PRMT8: variants seen among roughly 807,000 people sequenced by gnomAD.
PRMT8 encodes protein arginine methyltransferase 8.
PRMT8 carries 7 observed loss-of-function variants against 47.1 expected under a neutral mutation model. The observed-to-expected ratio is 0.15, with a 90% CI of 0.08 to 0.28. PRMT8 has a LOEUF of 0.28. PRMT8 is among the 10% of genes least tolerant of loss of function. The pLI is 1.00. For synonymous variants in PRMT8, 188 were observed against 186.5 expected (o/e 1.01, Z -0.07); for missense variants, 237 against 505.4 (o/e 0.47, Z 5.09).
chr12:3,571,613 T>C (rs964312685), intron 6 of PRMT8, among the ~76,000 whole-genome samples: 1 of 152,078 alleles, frequency 6.6e-6, no homozygotes, highest in Admixed American at 6.6e-5. Flanking sequence ...TTCATACCTT[T>C]TGGAAAAGGA....
rs1257469367 is a variant in PRMT8, at chr12:3,566,801, T to C, written c.482-1905T>C. ...CAGCAAAGCTCAGGCATTGTGTGAGTTTTTTTCAGAGGATATTGCAGAATG... is the reference window on the plus strand; with the variant it reads ...CAGCAAAGCTCAGGCATTGTGTGAGCTTTTTTCAGAGGATATTGCAGAATG... On this transcript the variant is annotated intron_variant, in intron 4 of 9. Coordinates refer to ENST00000382622, the MANE Select transcript of PRMT8 (RefSeq NM_019854.5). This position sits in a 1 kb window ranked among gnomAD's most constrained non-coding sequence, Gnocchi z 4.7. Among the ~76,000 whole-genome samples the C allele has an allele frequency of 6.6e-6, 1 of 152,182 alleles. No individual in the cohort carries two copies. The highest frequency in any genetic ancestry group is 2.4e-5 in the African/African-American group (1 of 41,442).
At chr12:3,382,130 T>C (rs1183848077) in intron 1 of PRMT8, among the ~76,000 whole-genome samples, 1 of 152,216 alleles carries the variant, frequency 6.6e-6, no homozygotes, top group Non-Finnish European at 1.5e-5. Flanking sequence ...AACCATTCAC[T>C]CACTGAAGAG....
intron 1 of PRMT8, among the ~76,000 whole-genome samples, chr12:3,477,743 G>C (rs993653275): frequency 2.6e-5 from 4 of 152,242 alleles, no homozygotes; most frequent in East Asian, 3.9e-4. Context: ...AGTCCCCACT[G>C]CTCCTGTACC....
At position 3,491,687 on chromosome 12, in the gene PRMT8, C is replaced by G; in HGVS notation, c.62C>G (p.Ala21Gly). ...LLRRKMAENA[A>G]ESTEVNSPPS... ...AGGAGGAAAATGGCGGAGAACGCGG[C>G]CGAGAGCACCGAGGTAAGGAGGCGA... The change falls in exon 1 of 10, where the codon GCC becomes GGC. Residue 21 changes from alanine to glycine, a missense_variant. Physicochemically the swap from Ala to Gly is moderately conservative, Grantham distance 60. Coordinates refer to ENST00000382622, the MANE Select transcript of PRMT8 (RefSeq NM_019854.5). The G allele has an allele frequency of 6.2e-7, 1 of 1,609,998 alleles. No homozygotes were observed. The highest frequency in any genetic ancestry group is 8.5e-7 in the Non-Finnish European group (1 of 1,179,436).
rs1246429067 is a variant in PRMT8, at chr12:3,593,513, G to A, written c.*331G>A. 1 of 336,914 alleles carries A rather than the reference G, an allele frequency of 3.0e-6. No homozygotes were observed. The highest frequency in any genetic ancestry group is 5.5e-6 in the Non-Finnish European group (1 of 181,858). 20.9% of individuals were successfully genotyped at this position (336,914 alleles called of 1,614,324 possible). A position where few individuals can be genotyped will look rare whatever the true frequency, so the allele number is the denominator to read the frequency against. On this transcript the variant is annotated 3_prime_UTR_variant, in exon 10 of 10. Transcript: ENST00000382622. The surrounding 1 kb of genome is among the most constrained non-coding windows in gnomAD (Gnocchi z 4.8). ...AACTGTGACTCTCCGGGTCTTCTGA[G>A]TTTTGCATGCTGCGGGTGTCTAGGA...
rs147483391 is a variant in PRMT8 at position 3,572,154 on chromosome 12, C to T, written c.712+2590C>T. Among the ~76,000 whole-genome samples the T allele has an allele frequency of 7.6e-3, 1,154 of 152,192 alleles. 10 individuals are homozygous for T. The highest frequency in any genetic ancestry group is 0.027 in the Middle Eastern group (8 of 294). ...AGAATGAGGTCAGTGCAGAACCTGC[C>T]CTCCATTTGCTCACCAATGAATAGA... On this transcript the variant is annotated intron_variant, in intron 6 of 9. Coordinates refer to ENST00000382622, the MANE Select transcript of PRMT8 (RefSeq NM_019854.5). This position sits in a 1 kb window ranked among gnomAD's most constrained non-coding sequence, Gnocchi z 5.9.
At chr12:3,440,669 A>G (rs528880549) in intron 1 of PRMT8, among the ~76,000 whole-genome samples, 2 of 152,246 alleles carry the variant, frequency 1.3e-5, no homozygotes, top group South Asian at 2.1e-4. Flanking sequence ...CAATCTGCCA[A>G]TGCTCCATTA....
chr12:3,445,875 G>A (rs751120017), intron 1 of PRMT8, among the ~76,000 whole-genome samples: 52 of 152,168 alleles, frequency 3.4e-4, no homozygotes, highest in Non-Finnish European at 6.0e-4. Context: ...ACTGCGGTCA[G>A]CTGTGAGACC....
At chr12:3,408,353 C>A (rs1174996847) in intron 1 of PRMT8, among the ~76,000 whole-genome samples, 1 of 152,054 alleles carries the variant, frequency 6.6e-6, no homozygotes, top group African/African-American at 2.4e-5. Flanking sequence ...CCCATCTCAG[C>A]CTCTCAAGTA....
At chr12:3,410,411 G>A (rs1421376274) in intron 1 of PRMT8, among the ~76,000 whole-genome samples, 1 of 152,112 alleles carries the variant, frequency 6.6e-6, no homozygotes, top group African/African-American at 2.4e-5. Flanking sequence ...ATCAAATCCT[G>A]TATAGGTCCC....
At chr12:3,585,106 T>A (rs182893426) in intron 8 of PRMT8, among the ~76,000 whole-genome samples, 1 of 152,196 alleles carries the variant, frequency 6.6e-6, no homozygotes, top group Non-Finnish European at 1.5e-5. Flanking sequence ...ATCTCAGTGA[T>A]CTCTGCATTC....
At chr12:3,526,490 A>G (rs1313255015) in intron 1 of PRMT8, among the ~76,000 whole-genome samples, 1 of 152,210 alleles carries the variant, frequency 6.6e-6, no homozygotes, top group Admixed American at 6.5e-5. Context: ...ATGGTGCACA[A>G]GAGTTCCAAT....
At chr12:3,473,764 A>C (rs1246406071) in intron 1 of PRMT8, among the ~76,000 whole-genome samples, 1 of 151,598 alleles carries the variant, frequency 6.6e-6, no homozygotes, top group Non-Finnish European at 1.5e-5. Flanking sequence ...GTCTCCAACC[A>C]CCCAATTGGC....
At chr12:3,446,246 G>A (rs955400019) in intron 1 of PRMT8, among the ~76,000 whole-genome samples, 2 of 152,070 alleles carry the variant, frequency 1.3e-5, no homozygotes, top group Non-Finnish European at 2.9e-5. Flanking sequence ...TATTTTGCTT[G>A]GAAGGACAGA....
At position 3,538,842 on chromosome 12, in the gene PRMT8, C is replaced by A; in HGVS notation, c.76-1764C>A. ...AATGAGGCAGCCCCACTCGCCTTTG[C>A]CAGCCCGCCCGGGATCTCACCGACG... On this transcript the variant is annotated intron_variant, in intron 1 of 9. Transcript: ENST00000382622. The surrounding 1 kb of genome is among the most constrained non-coding windows in gnomAD (Gnocchi z 4.6). 2.1e-6 allele frequency: 1 copy of A among 466,446 alleles called. No individual in the cohort carries two copies. Among genetic ancestry groups the A allele is most frequent in the Non-Finnish European group, 4.3e-6 (1 of 231,278 alleles). The allele number at this position is 466,446 out of a possible 1,614,324, so 28.9% of individuals were successfully genotyped here. A position where few individuals can be genotyped will look rare whatever the true frequency, so the allele number is the denominator to read the frequency against.
At chr12:3,403,135 T>TA (rs1351788816) in intron 1 of PRMT8, among the ~76,000 whole-genome samples, 2 of 151,816 alleles carry the variant, frequency 1.3e-5, no homozygotes, top group African/African-American at 4.8e-5. Context: ...CTATGCAGCC[T>TA]AAAAAAAAGA....
intron 1 of PRMT8, among the ~76,000 whole-genome samples, chr12:3,446,269 C>G (rs1350374988): frequency 6.6e-6 from 1 of 152,050 alleles, no homozygotes; most frequent in East Asian, 1.9e-4. Context: ...CACCTCCTGT[C>G]TCTCCAGTCA....
intron 1 of PRMT8, among the ~76,000 whole-genome samples, chr12:3,539,026 G>A (rs943769818): frequency 3.6e-4 from 55 of 152,284 alleles, no homozygotes; most frequent in African/African-American, 1.2e-3. Flanking sequence ...TTCCACGGAG[G>A]GGTTGAAATA....
At chr12:3,562,620 G>A (rs146847464) in intron 4 of PRMT8, among the ~76,000 whole-genome samples, 113 of 152,318 alleles carry the variant, frequency 7.4e-4, no homozygotes, top group African/African-American at 2.0e-3. Flanking sequence ...AGCCAATTGC[G>A]TGCGCTCATC....
Sources: gnomAD v4.1 joint callset for allele counts (sites outside exome capture counted in the v4.1 genomes callset) on GRCh38, gnomAD v4.1.1 for gene constraint, Gnocchi (gnomAD v3.1) non-coding constraint, MANE v1.5 for transcripts, NCBI Gene and HGNC (gene_info 2026-07-23, HGNC 2026-07-21) for gene names.